Variants in NCALD observed in about 807,000 individuals in gnomAD.
NCALD encodes neurocalcin delta, also known as neurocalcin-delta.
A neutral mutation model predicts 18.6 loss-of-function variants in NCALD; 10 were observed. That is an observed-to-expected ratio of 0.54 (90% confidence interval 0.33 to 0.91). The LOEUF is 0.91. Ranked by LOEUF, NCALD falls within the 40% of genes least tolerant of loss-of-function variation. The pLI is 0.03. For synonymous variants in NCALD, 88 were observed against 87.4 expected, an observed-to-expected ratio of 1.01 and a Z score of -0.04; for missense variants, 184 against 247.6, an observed-to-expected ratio of 0.74 and a Z score of 1.72.
chr8:101,950,267 T>A (rs1819340064), intron 2 of NCALD: 1 of 152,250 alleles, frequency 6.6e-6, no homozygotes, highest in Non-Finnish European at 1.5e-5. Context: ...CCTGAAAATA[T>A]GAATCCTAAG....
chr8:102,109,625 C>T (rs1210849079), intron 1 of NCALD, among the ~76,000 whole-genome samples: 1 of 152,058 alleles, frequency 6.6e-6, no homozygotes, highest in East Asian at 1.9e-4. Flanking sequence ...ATATTTGTAA[C>T]AAATGTGCCA....
chr8:101,971,809 C>T (rs1820251235), intron 2 of NCALD, among the ~76,000 whole-genome samples: 1 of 152,182 alleles, frequency 6.6e-6, no homozygotes, highest in Non-Finnish European at 1.5e-5. Context: ...AAACACTGAC[C>T]TGGCCTCTTG....
chr8:102,114,502 A>G (rs559346145), intron 1 of NCALD, among the ~76,000 whole-genome samples: 1 of 152,320 alleles, frequency 6.6e-6, no homozygotes, highest in South Asian at 2.1e-4. Context: ...TAAGGCTAGT[A>G]ATAGCAGGAA....
chr8:102,057,109 C>T (rs761228068), intron 1 of NCALD, among the ~76,000 whole-genome samples: 3 of 152,164 alleles, frequency 2.0e-5, no homozygotes, highest in Non-Finnish European at 4.4e-5. Flanking sequence ...CCCCTGCTTA[C>T]TCCTCTGGCC....
chr8:101,901,859 C>T (rs950921608), intron 3 of NCALD, among the ~76,000 whole-genome samples: 3 of 151,824 alleles, frequency 2.0e-5, no homozygotes, highest in African/African-American at 4.8e-5. Context: ...GGCAGGATCT[C>T]GGCTCACTGC....
intron 2 of NCALD, among the ~76,000 whole-genome samples, chr8:101,931,760 C>T (rs1818582928): frequency 6.6e-6 from 1 of 152,126 alleles, no homozygotes; most frequent in South Asian, 2.1e-4. Flanking sequence ...CCCAGTGGCC[C>T]TGCAAAGCAC....
At chr8:101,884,781 G>A (rs1816615313) in intron 4 of NCALD, among the ~76,000 whole-genome samples, 1 of 151,926 alleles carries the variant, frequency 6.6e-6, no homozygotes, top group African/African-American at 2.4e-5. Flanking sequence ...AGTTGGCAGG[G>A]AATCAATTAC....
chr8:101,885,049 G>A (rs1278924141), intron 4 of NCALD, among the ~76,000 whole-genome samples: 1 of 152,156 alleles, frequency 6.6e-6, no homozygotes, highest in Non-Finnish European at 1.5e-5. Context: ...AAGAGGAGGA[G>A]CAAAGAAGTC....
intron 2 of NCALD, among the ~76,000 whole-genome samples, chr8:101,931,047 C>T (rs1425498863): frequency 7.2e-5 from 11 of 152,180 alleles, no homozygotes; most frequent in Admixed American, 7.2e-4. Context: ...AGCTGTGTCA[C>T]CAGCACCACT....
At chr8:101,921,776 A>G (rs1818174437) in intron 2 of NCALD, among the ~76,000 whole-genome samples, 1 of 152,120 alleles carries the variant, frequency 6.6e-6, no homozygotes, top group African/African-American at 2.4e-5. Context: ...ACTTATAATA[A>G]CCTGTACATT....
intron 4 of NCALD, among the ~76,000 whole-genome samples, chr8:101,799,894 G>A (rs1812778054): frequency 6.6e-6 from 1 of 152,176 alleles, no homozygotes; most frequent in Non-Finnish European, 1.5e-5. Context: ...TTGCACTGCA[G>A]TTTTGCAAGA....
chr8:102,008,453 T>G (rs1318891924), intron 2 of NCALD, among the ~76,000 whole-genome samples: 1 of 145,560 alleles, frequency 6.9e-6, no homozygotes, highest in Non-Finnish European at 1.5e-5. Flanking sequence ...GGCATATTGA[T>G]GACTCTGAAT....
At chr8:101,813,415 G>A (rs1049361758) in intron 4 of NCALD, among the ~76,000 whole-genome samples, 4 of 152,118 alleles carry the variant, frequency 2.6e-5, no homozygotes, top group Non-Finnish European at 5.9e-5. Flanking sequence ...GCAAACATGG[G>A]ACAGCTTAGG....
In NCALD at chr8:101,688,815, C is replaced by A; in HGVS notation, c.*494G>T. 2 of 625,998 alleles carry A rather than the reference C, an allele frequency of 3.2e-6. No individual in the cohort carries two copies. Among genetic ancestry groups the A allele is most frequent in the Non-Finnish European group, 2.9e-6 (1 of 340,354 alleles). 38.8% of individuals were successfully genotyped at this position (625,998 alleles called of 1,614,324 possible). A position where few individuals can be genotyped will look rare whatever the true frequency, so the allele number is the denominator to read the frequency against. ...GCCCCCATGGGGAAATGTCCCAGCTCGCTGGAATAGCCTCACCCCAGAGGG... is the reference window on the plus strand; with the variant it reads ...GCCCCCATGGGGAAATGTCCCAGCTAGCTGGAATAGCCTCACCCCAGAGGG... On this transcript the variant is annotated 3_prime_UTR_variant, in exon 4 of 4. Transcript: ENST00000220931.
At chr8:101,802,939 G>A (rs1812925755) in intron 4 of NCALD, among the ~76,000 whole-genome samples, 1 of 147,342 alleles carries the variant, frequency 6.8e-6, no homozygotes, top group African/African-American at 2.5e-5. Context: ...GAAGCAGCAA[G>A]TGCTGATGGA....
At chr8:101,733,416 G>A (rs1319287608) in intron 1 of NCALD, among the ~76,000 whole-genome samples, 2 of 152,012 alleles carry the variant, frequency 1.3e-5, no homozygotes, top group East Asian at 3.9e-4. Flanking sequence ...AACATCTCTT[G>A]GTCTCATTTG....
At chr8:101,747,154 G>GC (rs1411094532) in intron 1 of NCALD, among the ~76,000 whole-genome samples, 1 of 152,082 alleles carries the variant, frequency 6.6e-6, no homozygotes, top group Non-Finnish European at 1.5e-5. Context: ...CTCTTTTCCT[G>GC]CCCCACACAC....
At chr8:101,881,971 A>T (rs1272288000) in intron 4 of NCALD, among the ~76,000 whole-genome samples, 1 of 152,204 alleles carries the variant, frequency 6.6e-6, no homozygotes, top group Non-Finnish European at 1.5e-5. Context: ...GATGCACTAA[A>T]GCAGGGGTGC....
Position 102,098,496 on chromosome 8 carries a change from C to T in NCALD, c.-210+25741G>A, listed in dbSNP as rs1173749623. On this transcript the variant is annotated intron_variant, in intron 1 of 6. Coordinates refer to the NCALD transcript ENST00000311028. ...AGTTGCTGGCCCTGGGGGGCTGCAT[C>T]ATCCCTCACTGGTTTCCCTTAACCT... is the stretch of plus-strand genomic sequence containing the variant. 1.1e-4 allele frequency among the ~76,000 whole-genome samples: 17 copies of T among 151,850 alleles called. No individual in the cohort carries two copies. The South Asian group carries it at 2.7e-3, about 24-fold the overall frequency.
Sources: gnomAD v4.1 joint callset for allele counts (sites outside exome capture counted in the v4.1 genomes callset) on GRCh38, gnomAD v4.1.1 for gene constraint, MANE v1.5 for transcripts, NCBI Gene and HGNC (gene_info 2026-07-23, HGNC 2026-07-21) for gene names.